Variants in TET3 observed in about 807,000 individuals in gnomAD.
TET3 encodes the protein tet methylcytosine dioxygenase 3.
A neutral mutation model predicts 141.4 loss-of-function variants in TET3; 19 were observed. The observed-to-expected ratio is 0.13, with a 90% CI of 0.09 to 0.20. TET3 has a LOEUF of 0.20. TET3 is among the 10% of genes least tolerant of loss of function. The pLI, the probability that TET3 is intolerant of heterozygous loss-of-function variation, is 1.00. For missense variants in TET3, 1,874 were observed against 2,356.9 expected (o/e 0.80, Z 4.24); for synonymous variants, 1,043 against 980.9 (o/e 1.06, Z -1.18).
intron 3 of TET3, among the ~76,000 whole-genome samples, chr2:74,016,280 G>C (rs983078940): frequency 6.6e-6 from 1 of 150,424 alleles, no homozygotes; most frequent in Non-Finnish European, 1.5e-5. Flanking sequence ...TCCAGCCTGG[G>C]CTACAGAGCA....
chr2:74,091,143 T>C (rs1690468627), intron 8 of TET3, among the ~76,000 whole-genome samples: 1 of 152,208 alleles, frequency 6.6e-6, no homozygotes, highest in Admixed American at 6.5e-5. Flanking sequence ...CTAATAGACC[T>C]GTATGCAAAT....
chr2:74,010,289 G>A (rs1339908076), intron 3 of TET3, among the ~76,000 whole-genome samples: 2 of 152,218 alleles, frequency 1.3e-5, no homozygotes, highest in African/African-American at 4.8e-5. Context: ...AGATGCTGCC[G>A]CCTCCATGTG....
At chr2:74,126,815 A>T in the TET3 span, among the ~76,000 whole-genome samples, 1 of 152,128 alleles carries the variant, frequency 6.6e-6, no homozygotes, top group Admixed American at 6.5e-5. Context: ...GAATTTTTTT[A>T]AAGCAGTAAA....
intron 2 of TET3, among the ~76,000 whole-genome samples, chr2:73,987,223 G>T (rs1322809855): frequency 6.6e-6 from 1 of 152,174 alleles, no homozygotes; most frequent in Non-Finnish European, 1.5e-5. Context: ...ACGAACTGAT[G>T]TTTTGGGTTC....
At chr2:74,016,072 T>C (rs1368449204) in intron 3 of TET3, among the ~76,000 whole-genome samples, 2 of 151,520 alleles carry the variant, frequency 1.3e-5, no homozygotes, top group Admixed American at 6.6e-5. Flanking sequence ...TTAATTTCTT[T>C]AAAAAAAAAT....
intron 4 of TET3, among the ~76,000 whole-genome samples, chr2:74,064,418 G>A (rs530756928): frequency 6.6e-6 from 1 of 151,524 alleles, no homozygotes; most frequent in Non-Finnish European, 1.5e-5. Context: ...TATTTTTTTT[G>A]AGACAAGGTC....
intron 3 of TET3, among the ~76,000 whole-genome samples, chr2:74,033,812 G>T (rs925621719): frequency 6.6e-6 from 1 of 152,178 alleles, no homozygotes; most frequent in Admixed American, 6.5e-5. Context: ...TTTGCCCAAT[G>T]TGGCTGGGCA....
chr2:74,001,336 A>G (rs1257808087), intron 2 of TET3, among the ~76,000 whole-genome samples: 3 of 152,158 alleles, frequency 2.0e-5, no homozygotes, highest in African/African-American at 7.2e-5. Flanking sequence ...GCTCTCAAAC[A>G]TCCTAATTAA....
chr2:74,125,182 AT>A, the TET3 span, among the ~76,000 whole-genome samples: 1 of 152,002 alleles, frequency 6.6e-6, no homozygotes, highest in African/African-American at 2.4e-5. Flanking sequence ...GGGTTTCACC[AT>A]GTTGGCCAGG....
chr2:74,083,931 CAG>C (rs1487521761), intron 6 of TET3, among the ~76,000 whole-genome samples: 6 of 152,172 alleles, frequency 3.9e-5, no homozygotes, highest in Non-Finnish European at 8.8e-5. Flanking sequence ...ACCCTAGTCA[CAG>C]AGACCATGGC....
chr2:74,070,619 T>C (rs1689154237), intron 4 of TET3, among the ~76,000 whole-genome samples: 2 of 152,208 alleles, frequency 1.3e-5, no homozygotes, highest in Non-Finnish European at 2.9e-5. Context: ...CTACTGCATT[T>C]CAAGAGAAAT....
intron 2 of TET3, among the ~76,000 whole-genome samples, chr2:74,001,463 G>C (rs1248369987): frequency 6.6e-6 from 1 of 152,226 alleles, no homozygotes; most frequent in Non-Finnish European, 1.5e-5. Context: ...AACTGGATGA[G>C]GTAGCTGCTA....
chr2:74,128,632 A>T, the TET3 span, among the ~76,000 whole-genome samples: 1 of 151,986 alleles, frequency 6.6e-6, no homozygotes, highest in Admixed American at 6.6e-5. Context: ...TATCTTCAAA[A>T]TTTTTCTGTA....
intron 3 of TET3, 111 bp downstream of exon 3, chr2:74,003,277 C>G: frequency 3.6e-6 from 5 of 1,405,638 alleles, no homozygotes; most frequent in South Asian, 1.3e-5. Context: ...TAATCTCCCA[C>G]TGTGTGTGTA....
intron 8 of TET3, among the ~76,000 whole-genome samples, chr2:74,090,784 C>G (rs1473535315): frequency 6.6e-6 from 1 of 152,256 alleles, no homozygotes; most frequent in Non-Finnish European, 1.5e-5. Context: ...GAGAGGCGGT[C>G]TCCACTCAGC....
chr2:74,096,173 G>T (rs529368472), intron 10 of TET3, among the ~76,000 whole-genome samples: 1 of 151,980 alleles, frequency 6.6e-6, no homozygotes, highest in Non-Finnish European at 1.5e-5. Flanking sequence ...TTTTCCCTTT[G>T]GTCTGTTGTT....
the TET3 span, among the ~76,000 whole-genome samples, chr2:74,126,403 G>A: frequency 3.4e-4 from 52 of 152,186 alleles, 1 homozygote; most frequent in Admixed American, 1.4e-3. Context: ...AGAATGCCTC[G>A]TGGCAGTAGC....
chr2:74,013,487 A>G (rs1212961093), intron 3 of TET3, among the ~76,000 whole-genome samples: 2 of 152,072 alleles, frequency 1.3e-5, no homozygotes, highest in Non-Finnish European at 2.9e-5. Context: ...TATAATTTAA[A>G]TAGTACTGCT....
Position 74,080,699 on chromosome 2 carries a change from CG to C in TET3, c.2679+114del, listed in dbSNP as rs34695760. The C allele has an allele frequency of 9.4e-4, 382 of 405,724 alleles. 11 individuals are homozygous for C. The highest frequency in any genetic ancestry group is 3.0e-3 in the African/African-American group (74 of 25,072). 25.1% of individuals were successfully genotyped at this position (405,724 alleles called of 1,614,324 possible). ...CTGCATGTAGCTGAGCAGGCGAGGG[CG>C]GGGGGTGGGGCCAGGTGGGTGTGTA... On this transcript the variant is annotated intron_variant, in intron 6 of 11. Transcript: ENST00000409262.
Sources: gnomAD v4.1 joint callset for allele counts (sites outside exome capture counted in the v4.1 genomes callset) on GRCh38, gnomAD v4.1.1 for gene constraint, MANE v1.5 for transcripts, NCBI Gene and HGNC (gene_info 2026-07-23, HGNC 2026-07-21) for gene names.